RIMKLB: variants seen among roughly 807,000 people sequenced by gnomAD.
RIMKLB encodes the protein ribosomal modification protein rimK like family member B.
A neutral mutation model predicts 32.0 loss-of-function variants in RIMKLB; 7 were observed. The ratio of observed to expected loss-of-function variants is 0.22; its 90% CI spans 0.12 to 0.41. RIMKLB has a LOEUF of 0.41. Among genes scored for constraint, RIMKLB ranks in the 10% least tolerant of loss-of-function variants. The pLI is 1.00. For synonymous variants in RIMKLB, 172 were observed against 185.1 expected, an observed-to-expected ratio of 0.93 and a Z score of 0.57; for missense variants, 289 against 498.7, an observed-to-expected ratio of 0.58 and a Z score of 4.00.
chr12:8,754,983 ACT>A (rs1194503091), intron 5 of RIMKLB, among the ~76,000 whole-genome samples: 7 of 150,920 alleles, frequency 4.6e-5, no homozygotes, highest in Admixed American at 4.6e-4. Flanking sequence ...AACGAGCCTC[ACT>A]CTGTCACCCA....
At chr12:8,760,741 T>G (rs1294232125) in intron 5 of RIMKLB, among the ~76,000 whole-genome samples, 1 of 152,240 alleles carries the variant, frequency 6.6e-6, no homozygotes, top group Non-Finnish European at 1.5e-5. Flanking sequence ...CATAAATGAC[T>G]TCTTTTGAGA....
chr12:8,781,498 TGTTCCACTCTGCCATCA>T (rs368384517), downstream of RIMKLB, among the ~76,000 whole-genome samples: 668 of 152,314 alleles, frequency 4.4e-3, 6 homozygotes, highest in African/African-American at 0.015. Context: ...CACTGTGCCA[TGTTCCACTCTGCCATCA>T]GTTCCACCCT....
chr12:8,751,625 A>AT (rs1948627043), intron 3 of RIMKLB, among the ~76,000 whole-genome samples: 1 of 152,190 alleles, frequency 6.6e-6, no homozygotes, highest in South Asian at 2.1e-4. Context: ...GGAATTGAAT[A>AT]TATTAAAGTA....
chr12:8,704,984 A>G (rs1162129751), intron 1 of RIMKLB, among the ~76,000 whole-genome samples: 1 of 151,826 alleles, frequency 6.6e-6, no homozygotes, highest in Non-Finnish European at 1.5e-5. Context: ...ACACACACAC[A>G]CACACACACA....
intron 5 of RIMKLB, among the ~76,000 whole-genome samples, chr12:8,757,549 A>C (rs1949157440): frequency 6.6e-6 from 1 of 151,976 alleles, no homozygotes; most frequent in South Asian, 2.1e-4. Context: ...GCACCCATTA[A>C]CCAGCTTTAG....
intron 2 of RIMKLB, among the ~76,000 whole-genome samples, chr12:8,747,986 C>T (rs1948252236): frequency 6.6e-6 from 1 of 152,090 alleles, no homozygotes; most frequent in African/African-American, 2.4e-5. Flanking sequence ...AAACTCCCAA[C>T]CTCAGGTGAT....
intron 1 of RIMKLB, among the ~76,000 whole-genome samples, chr12:8,703,875 A>G (rs1416292418): frequency 6.6e-6 from 1 of 152,212 alleles, no homozygotes; most frequent in Admixed American, 6.5e-5. Context: ...GGTACATATA[A>G]TTACTCAGTA....
rs769266449 is a variant in RIMKLB at position 8,713,953 on chromosome 12, A to G, written c.87A>G (p.Ala29=). 21 of 1,613,996 alleles carry G rather than the reference A, an allele frequency of 1.3e-5. No individual in the cohort carries two copies. The Admixed American group carries it at 3.2e-4, about 24-fold the overall frequency. ...ATCCTCAAAAAGAGATTTTACGAGC[A>G]TTGAAGGCCAAATGTTGTGAGGAGG... ...EDYPQKEILR[A]LKAKCCEEEL... is the part of the protein sequence containing the mutation. Residue 29 remains alanine, a synonymous_variant, in exon 2 of 6, where the codon GCA becomes GCG. Coordinates refer to ENST00000535829, the MANE Select transcript of RIMKLB (RefSeq NM_001297776.2).
At chr12:8,759,592 A>G (rs1450333615) in intron 5 of RIMKLB, among the ~76,000 whole-genome samples, 1 of 152,054 alleles carries the variant, frequency 6.6e-6, no homozygotes, top group Non-Finnish European at 1.5e-5. Flanking sequence ...ATTGCTCTTC[A>G]TTATATTTGC....
intron 2 of RIMKLB, among the ~76,000 whole-genome samples, chr12:8,730,630 A>G (rs958854310): frequency 2.6e-5 from 4 of 152,222 alleles, no homozygotes; most frequent in African/African-American, 9.6e-5. Flanking sequence ...TACGTAGGGA[A>G]TTGGGCTGCC....
chr12:8,711,783 GACCTTC>G, intron 1 of RIMKLB, among the ~76,000 whole-genome samples: 1 of 152,192 alleles, frequency 6.6e-6, no homozygotes, highest in Non-Finnish European at 1.5e-5. Context: ...TGCTTTCTGA[GACCTTC>G]CCAAGTGGCC....
In RIMKLB at chr12:8,775,023, C is replaced by G; in HGVS notation, c.*1239C>G. The G allele has an allele frequency of 1.0e-6, 1 of 985,714 alleles. No homozygotes were observed. The allele number at this position is 985,714 out of a possible 1,614,324, so 61.1% of individuals were successfully genotyped here. On this transcript the variant is annotated 3_prime_UTR_variant, in exon 6 of 6. Transcript: ENST00000535829. ...GATGAGTTGTTTTCATAAGTAGACT[C>G]CACTGGGGTAGAGGTATTCACCTTA...
chr12:8,721,406 A>G (rs780544448), intron 2 of RIMKLB, among the ~76,000 whole-genome samples: 10 of 152,310 alleles, frequency 6.6e-5, no homozygotes, highest in Admixed American at 2.0e-4. Flanking sequence ...TGCTTTGTCA[A>G]CTCAATTTAT....
intron 1 of RIMKLB, among the ~76,000 whole-genome samples, chr12:8,690,543 C>A (rs1312409484): frequency 6.6e-6 from 1 of 152,218 alleles, no homozygotes; most frequent in Non-Finnish European, 1.5e-5. Context: ...TACTCGGATT[C>A]AAATCTTGGC....
rs755853616 is a variant in RIMKLB at position 8,782,466 on chromosome 12, T to G, written c.*298-446T>G. On this transcript the variant is annotated intron_variant, in intron 7 of 7. Coordinates refer to the RIMKLB transcript ENST00000619374. ...AAAATAAGTCACAAAACTTGCAGAT[T>G]AGAAAAGGAAGCACATTTTGGCTGT... 2.6e-5 allele frequency among the ~76,000 whole-genome samples: 4 copies of G among 152,204 alleles called. No individual in the cohort carries two copies. The South Asian group carries it at 8.3e-4, about 32-fold the overall frequency.
At chr12:8,682,255 C>T (rs1299830199) in intron 1 of RIMKLB, among the ~76,000 whole-genome samples, 1 of 152,138 alleles carries the variant, frequency 6.6e-6, no homozygotes, top group Admixed American at 6.6e-5. Flanking sequence ...CAAATAACCT[C>T]CAGAGTCTTG....
At chr12:8,755,242 C>T (rs1228361508) in intron 5 of RIMKLB, among the ~76,000 whole-genome samples, 2 of 151,904 alleles carry the variant, frequency 1.3e-5, no homozygotes, top group Non-Finnish European at 2.9e-5. Context: ...TGAGCCACCA[C>T]ACCCAGCGCC....
intron 2 of RIMKLB, among the ~76,000 whole-genome samples, chr12:8,715,856 C>T (rs757629296): frequency 6.6e-6 from 1 of 152,338 alleles, no homozygotes; most frequent in Non-Finnish European, 1.5e-5. Context: ...GAACCCCTCT[C>T]ACATTTGTGA....
intron 2 of RIMKLB, among the ~76,000 whole-genome samples, chr12:8,715,992 A>G (rs1382674486): frequency 6.6e-6 from 1 of 152,122 alleles, no homozygotes; most frequent in African/African-American, 2.4e-5. Flanking sequence ...GGAGTCAGAA[A>G]CTCAGACACT....
Sources: gnomAD v4.1 joint callset for allele counts (sites outside exome capture counted in the v4.1 genomes callset) on GRCh38, gnomAD v4.1.1 for gene constraint, MANE v1.5 for transcripts, NCBI Gene and HGNC (gene_info 2026-07-23, HGNC 2026-07-21) for gene names.